NUP98: variants seen among roughly 807,000 people sequenced by gnomAD.
NUP98 encodes the protein nuclear pore complex protein Nup98-Nup96.
In NUP98, 26 loss-of-function variants were observed where a neutral mutation model predicts 191.9. The ratio of observed to expected loss-of-function variants is 0.14; its 90% CI spans 0.10 to 0.19. The LOEUF (loss-of-function observed/expected upper bound fraction) is 0.19. Ranked by LOEUF, NUP98 falls within the 10% of genes least tolerant of loss-of-function variation. The pLI, the probability that NUP98 is intolerant of heterozygous loss-of-function variation, is 1.00. For missense variants in NUP98, 1,941 were observed against 2,178.8 expected (o/e 0.89, Z 2.17); for synonymous variants, 808 against 778.4 (o/e 1.04, Z -0.63).
chr11:3,766,508 A>T (rs1382549798), intron 8 of NUP98, among the ~76,000 whole-genome samples: 1 of 152,078 alleles, frequency 6.6e-6, no homozygotes, highest in African/African-American at 2.4e-5. Context: ...TGACCAACAT[A>T]GTGAAACCCC....
At chr11:3,681,594 G>C (rs2077986367) in intron 30 of NUP98, among the ~76,000 whole-genome samples, 1 of 151,686 alleles carries the variant, frequency 6.6e-6, no homozygotes, top group Non-Finnish European at 1.5e-5. Flanking sequence ...TCAATGAGCA[G>C]TAATATTTTG....
At chr11:3,701,653 T>C (rs147750138) in intron 23 of NUP98, among the ~76,000 whole-genome samples, 1 of 152,118 alleles carries the variant, frequency 6.6e-6, no homozygotes, top group African/African-American at 2.4e-5. Flanking sequence ...AATTGTGAGG[T>C]TCAAGAGACA....
intron 1 of NUP98, among the ~76,000 whole-genome samples, chr11:3,795,484 T>C (rs1377957636): frequency 2.0e-5 from 3 of 151,964 alleles, no homozygotes; most frequent in Non-Finnish European, 4.4e-5. Context: ...GACCAAAGTA[T>C]CACATAACAT....
In NUP98 at chr11:3,768,662, A is replaced by G. The variant is rs201623628; in HGVS notation, c.867T>C (p.Phe289=). ...QQTTSLFSKP[F]GQATTTQNTG... ...TGTTCTGGGTGGTTGTAGCCTGGCC[A>G]AATGGTTTGCTGAAGAGGCTGGTAG... Residue 289 remains phenylalanine, a synonymous_variant, in exon 8 of 33, where the codon TTT becomes TTC. Coordinates refer to ENST00000324932, the MANE Select transcript of NUP98 (RefSeq NM_016320.5). The G allele has an allele frequency of 1.8e-4, 287 of 1,611,852 alleles. No homozygotes were observed. Among genetic ancestry groups the G allele is most frequent in the Non-Finnish European group, 2.3e-4 (275 of 1,178,724 alleles).
At chr11:3,790,899 T>G (rs1032849143) in intron 1 of NUP98, among the ~76,000 whole-genome samples, 2 of 73,694 alleles carry the variant, frequency 2.7e-5, no homozygotes, top group Admixed American at 1.9e-4. Flanking sequence ...ACCATTTTAA[T>G]TTTTTTTTTT....
intron 12 of NUP98, among the ~76,000 whole-genome samples, chr11:3,738,437 A>T (rs1564865763): frequency 6.6e-6 from 1 of 152,214 alleles, no homozygotes; most frequent in Non-Finnish European, 1.5e-5. Flanking sequence ...CTGATGAAAC[A>T]CAAGAATCTG....
chr11:3,759,104 C>T (rs2081076603), intron 10 of NUP98, among the ~76,000 whole-genome samples: 1 of 152,022 alleles, frequency 6.6e-6, no homozygotes, highest in Admixed American at 6.6e-5. Context: ...AAACTGTTAA[C>T]TGCTGACCTA....
intron 6 of NUP98, among the ~76,000 whole-genome samples, chr11:3,772,548 C>A (rs1020803606): frequency 3.9e-5 from 6 of 152,102 alleles, no homozygotes; most frequent in African/African-American, 1.4e-4. Context: ...CTGGGTGCTG[C>A]AGCTCATGCC....
At position 3,776,143 on chromosome 11, in the gene NUP98, A is replaced by T. The variant is rs1159804613; in HGVS notation, c.356-122T>A. Reference sequence around the variant, plus strand: ...TTCATTTTTTTTTTTTTTTTTTGAGACAGGGTCTTGCTCTGTCTCCTAGGA... The same window carrying T: ...TTCATTTTTTTTTTTTTTTTTTGAGTCAGGGTCTTGCTCTGTCTCCTAGGA... On this transcript the variant is annotated intron_variant, in intron 4 of 32. Coordinates refer to ENST00000324932, the MANE Select transcript of NUP98 (RefSeq NM_016320.5). The T allele has an allele frequency of 1.4e-5, 9 of 653,004 alleles. No individual in the cohort carries two copies. The East Asian group carries it at 2.2e-4, about 16-fold the overall frequency. 40.5% of individuals were successfully genotyped at this position (653,004 alleles called of 1,614,324 possible).
rs559114691 is a variant in NUP98 at position 3,759,896 on chromosome 11, T to G, written c.1174+643A>C. On this transcript the variant is annotated intron_variant, in intron 10 of 32. Coordinates refer to ENST00000324932, the MANE Select transcript of NUP98 (RefSeq NM_016320.5). The stretch of plus-strand genomic sequence containing the variant: ...CTATGTTGCCTAGGCTGGAATGCAG[T>G]GGCAATTCACAAGTGTGATCATAGC... Among the ~76,000 whole-genome samples, 73 of 151,870 alleles carry G rather than the reference T, an allele frequency of 4.8e-4. 2 individuals are homozygous for G. In the South Asian group the frequency reaches 0.015, roughly 31 times the overall value.
At chr11:3,696,973 G>A (rs898934348) in intron 25 of NUP98, 1 of 152,118 alleles carries the variant, frequency 6.6e-6, no homozygotes, top group Non-Finnish European at 1.5e-5. Context: ...CTAAGAATCT[G>A]ACTCTGGCAT....
chr11:3,716,275 G>A (rs925545061), intron 18 of NUP98, among the ~76,000 whole-genome samples: 1 of 151,560 alleles, frequency 6.6e-6, no homozygotes, highest in African/African-American at 2.4e-5. Flanking sequence ...TCACTCTTTT[G>A]TATGTGGATA....
chr11:3,769,203 T>A (rs952230151), intron 7 of NUP98, among the ~76,000 whole-genome samples: 9 of 152,020 alleles, frequency 5.9e-5, no homozygotes, highest in African/African-American at 1.9e-4. Context: ...GGCAGGAGGA[T>A]CACTTGAGGA....
At chr11:3,679,894 T>G in intron 30 of NUP98, 186 bp from the exon 31 acceptor site, 1 of 629,936 alleles carries the variant, frequency 1.6e-6, no homozygotes, top group Non-Finnish European at 2.7e-6. Flanking sequence ...ATAAAGCAGG[T>G]ATCACAATAA....
chr11:3,683,557 T>G (rs2078041854), intron 29 of NUP98, 116 bp from the exon 30 acceptor site: 4 of 824,620 alleles, frequency 4.9e-6, no homozygotes, highest in Non-Finnish European at 5.4e-6. Flanking sequence ...TTTTTTTTTT[T>G]GATGGAGTTT....
intron 12 of NUP98, among the ~76,000 whole-genome samples, chr11:3,743,877 C>A (rs1196526870): frequency 6.6e-6 from 1 of 151,232 alleles, no homozygotes; most frequent in Non-Finnish European, 1.5e-5. Context: ...CATGGTGAAA[C>A]CCTGTCTCTG....
intron 26 of NUP98, 85 bp from the exon 27 acceptor site, chr11:3,693,460 T>TC: frequency 1.5e-6 from 2 of 1,319,656 alleles, no homozygotes; most frequent in Non-Finnish European, 2.1e-6. Flanking sequence ...AATATTCACT[T>TC]ATTCAAGGAA....
At chr11:3,730,997 C>T (rs1342177910) in intron 14 of NUP98, among the ~76,000 whole-genome samples, 2 of 152,048 alleles carry the variant, frequency 1.3e-5, no homozygotes, top group South Asian at 2.1e-4. Flanking sequence ...CTGGGCACAG[C>T]GGCTCACACC....
At chr11:3,720,985 T>TGTGTGA in intron 16 of NUP98, 160 bp from the exon 17 acceptor site, 1 of 476,992 alleles carries the variant, frequency 2.1e-6, no homozygotes, top group South Asian at 3.0e-5. Context: ...AGTGTGTGTG[T>TGTGTGA]GTGTGTGTGT....
Sources: allele counts gnomAD v4.1 joint callset (sites outside exome capture counted in the v4.1 genomes callset), GRCh38; gene constraint gnomAD v4.1.1; transcripts MANE v1.5; gene names NCBI Gene and HGNC (gene_info 2026-07-23, HGNC 2026-07-21).